PRKG1: variants seen among roughly 807,000 people sequenced by gnomAD.
The protein encoded by PRKG1 is cGMP-dependent protein kinase 1.
A neutral mutation model predicts 88.1 loss-of-function variants in PRKG1; 35 were observed. The observed-to-expected ratio is 0.40, with a 90% CI of 0.30 to 0.53. The LOEUF is 0.53. Ranked by LOEUF, PRKG1 falls within the 20% of genes least tolerant of loss-of-function variation. PRKG1 has a pLI of 0.59. For synonymous variants in PRKG1, 303 were observed against 292.5 expected (o/e 1.04, Z -0.37); for missense variants, 540 against 839.8 (o/e 0.64, Z 4.41).
At chr10:51,613,398 G>A (rs1271378294) in intron 3 of PRKG1, among the ~76,000 whole-genome samples, 5 of 150,786 alleles carry the variant, frequency 3.3e-5, no homozygotes, top group African/African-American at 1.2e-4. Flanking sequence ...TGTTTATATG[G>A]GTCTTCTCTC....
chr10:51,380,542 G>A (rs1285867226), intron 2 of PRKG1, among the ~76,000 whole-genome samples: 1 of 152,190 alleles, frequency 6.6e-6, no homozygotes, highest in Non-Finnish European at 1.5e-5. Flanking sequence ...GCTCACACCT[G>A]TAATCCCAGC....
chr10:52,171,967 T>C (rs975456844), intron 9 of PRKG1, among the ~76,000 whole-genome samples: 9 of 148,426 alleles, frequency 6.1e-5, no homozygotes, highest in African/African-American at 1.5e-4. Flanking sequence ...CGCGCCCGGC[T>C]AATTTTTTGT....
intron 3 of PRKG1, among the ~76,000 whole-genome samples, chr10:51,780,245 G>A: frequency 6.6e-6 from 1 of 151,868 alleles, no homozygotes; most frequent in East Asian, 1.9e-4. Flanking sequence ...CATCATAGTG[G>A]GAGATGAACT....
chr10:51,983,067 C>T (rs148724400), intron 5 of PRKG1, among the ~76,000 whole-genome samples: 7 of 152,148 alleles, frequency 4.6e-5, no homozygotes, highest in South Asian at 2.1e-4. Context: ...TTGTGTGCTG[C>T]GGGCAGGGTT....
At chr10:51,956,131 A>G (rs564940491) in intron 5 of PRKG1, among the ~76,000 whole-genome samples, 1 of 152,218 alleles carries the variant, frequency 6.6e-6, no homozygotes, top group South Asian at 2.1e-4. Flanking sequence ...TCACAAATGA[A>G]CTACAGTGGC....
chr10:51,333,929 G>T (rs1339466542), intron 2 of PRKG1, among the ~76,000 whole-genome samples: 1 of 151,868 alleles, frequency 6.6e-6, no homozygotes, highest in African/African-American at 2.4e-5. Flanking sequence ...CTTCATTTTT[G>T]CCCTGCTTAA....
intron 3 of PRKG1, among the ~76,000 whole-genome samples, chr10:51,704,234 T>TAGAC (rs200695048): frequency 1.1e-4 from 16 of 150,192 alleles, no homozygotes; most frequent in South Asian, 2.1e-4. Context: ...AGATGATAGA[T>TAGAC]AGACAGACAG....
intron 3 of PRKG1, among the ~76,000 whole-genome samples, chr10:51,516,216 G>T (rs1180155530): frequency 6.6e-6 from 1 of 152,100 alleles, no homozygotes; most frequent in African/African-American, 2.4e-5. Context: ...GGGAAGGGAA[G>T]GTCGCTCTCC....
At chr10:51,544,158 C>A (rs1342479564) in intron 3 of PRKG1, among the ~76,000 whole-genome samples, 2 of 151,484 alleles carry the variant, frequency 1.3e-5, no homozygotes, top group African/African-American at 4.9e-5. Context: ...CATCCATTAA[C>A]CTGACATTTA....
rs554887534 is a variant in PRKG1 at position 52,216,954 on chromosome 10, C to T, written c.1077-34616C>T. 2.6e-5 allele frequency among the ~76,000 whole-genome samples: 4 copies of T among 152,188 alleles called. No homozygotes were observed. In the South Asian group the frequency reaches 8.3e-4, roughly 32 times the overall value. On this transcript the variant is annotated intron_variant, in intron 9 of 17. Transcript: ENST00000373980. ...TCCTGCACCACCGTGAATTTAATAG[C>T]CTGGAGATCCTGTTTCACTTTCTGA...
intron 7 of PRKG1, among the ~76,000 whole-genome samples, chr10:52,099,872 TA>T (rs1847256539): frequency 6.6e-6 from 1 of 152,222 alleles, no homozygotes; most frequent in Non-Finnish European, 1.5e-5. Context: ...AGTCAAGAAC[TA>T]AACAGGAGAG....
At chr10:52,293,407 A>T (rs561053293) in intron 17 of PRKG1, among the ~76,000 whole-genome samples, 1 of 151,942 alleles carries the variant, frequency 6.6e-6, no homozygotes, top group African/African-American at 2.4e-5. Context: ...ATTGGAAAAA[A>T]CTACTTTAAA....
At chr10:52,070,207 C>T (rs1846461826) in intron 7 of PRKG1, among the ~76,000 whole-genome samples, 1 of 152,154 alleles carries the variant, frequency 6.6e-6, no homozygotes, top group Non-Finnish European at 1.5e-5. Flanking sequence ...GCTCCTGTAA[C>T]CCACCTCATT....
chr10:52,074,060 A>T (rs574459819), intron 7 of PRKG1, among the ~76,000 whole-genome samples: 26 of 152,204 alleles, frequency 1.7e-4, no homozygotes, highest in Non-Finnish European at 3.5e-4. Context: ...AATTTACTTA[A>T]TAATCTTGCT....
intron 8 of PRKG1, among the ~76,000 whole-genome samples, chr10:52,144,104 A>C (rs1371267598): frequency 6.6e-6 from 1 of 152,140 alleles, no homozygotes; most frequent in East Asian, 1.9e-4. Flanking sequence ...TTGAGTAGGT[A>C]TATTACAAGT....
intron 5 of PRKG1, among the ~76,000 whole-genome samples, chr10:52,013,215 G>A (rs776808706): frequency 9.2e-5 from 14 of 152,108 alleles, no homozygotes; most frequent in South Asian, 2.1e-4. Context: ...TCAGGAGATC[G>A]TGTCCATCCT....
chr10:51,975,949 G>A (rs1388392814), intron 5 of PRKG1, among the ~76,000 whole-genome samples: 1 of 151,818 alleles, frequency 6.6e-6, no homozygotes, highest in African/African-American at 2.4e-5. Flanking sequence ...TAGAAACAGG[G>A]GAAAGAATTT....
At chr10:52,166,880 TACACACACACAC>T (rs143459696) in intron 9 of PRKG1, among the ~76,000 whole-genome samples, 1,854 of 121,926 alleles carry the variant, frequency 0.015, 52 homozygotes, top group East Asian at 0.11. Context: ...TGTGTATGTA[TACACACACACAC>T]ACACACACAC....
chr10:51,637,932 G>A (rs1443087780), intron 3 of PRKG1, among the ~76,000 whole-genome samples: 2 of 152,066 alleles, frequency 1.3e-5, no homozygotes, highest in Admixed American at 6.5e-5. Flanking sequence ...TAAAATAGAA[G>A]TTGAAGACAA....
Sources: allele counts gnomAD v4.1 joint callset (sites outside exome capture counted in the v4.1 genomes callset), GRCh38; gene constraint gnomAD v4.1.1; transcripts MANE v1.5; gene names NCBI Gene and HGNC (gene_info 2026-07-23, HGNC 2026-07-21).